Variants in ANKS1B observed in about 807,000 individuals in gnomAD.
ANKS1B encodes the protein ankyrin repeat and sterile alpha motif domain containing 1B.
A neutral mutation model predicts 148.3 loss-of-function variants in ANKS1B; 36 were observed. That is an observed-to-expected ratio of 0.24 (90% CI 0.19 to 0.32). The LOEUF (loss-of-function observed/expected upper bound fraction) is 0.32. ANKS1B is among the 10% of genes least tolerant of loss of function. The pLI, the probability that ANKS1B is intolerant of heterozygous loss-of-function variation, is 1.00. For synonymous variants in ANKS1B, 542 were observed against 560.8 expected, an observed-to-expected ratio of 0.97 and a Z score of 0.47; for missense variants, 1,157 against 1,542.6, an observed-to-expected ratio of 0.75 and a Z score of 4.19.
chr12:99,291,604 CTTA>C (rs1216219815), intron 12 of ANKS1B, among the ~76,000 whole-genome samples: 2 of 152,138 alleles, frequency 1.3e-5, no homozygotes, highest in African/African-American at 4.8e-5. Flanking sequence ...GTACAGTGAA[CTTA>C]TTTTTGACAA....
chr12:99,561,841 T>A (rs2097339552), intron 9 of ANKS1B, among the ~76,000 whole-genome samples: 1 of 152,332 alleles, frequency 6.6e-6, no homozygotes, highest in East Asian at 1.9e-4. Flanking sequence ...GTTGACCTCC[T>A]CCCATGAATC....
intron 1 of ANKS1B, among the ~76,000 whole-genome samples, chr12:99,878,049 T>C (rs971349929): frequency 6.6e-6 from 1 of 152,116 alleles, no homozygotes; most frequent in Admixed American, 6.6e-5. Flanking sequence ...AGTGAGACCC[T>C]GTCTCAAAAC....
chr12:99,698,060 G>C (rs6538923), intron 8 of ANKS1B, among the ~76,000 whole-genome samples: 25,685 of 151,998 alleles, frequency 0.17, 2,676 homozygotes, highest in East Asian at 0.46. Flanking sequence ...GTATAGGAAA[G>C]AGGTAGGATT....
At chr12:99,175,484 T>C (rs1413557876) in intron 14 of ANKS1B, among the ~76,000 whole-genome samples, 1 of 152,244 alleles carries the variant, frequency 6.6e-6, no homozygotes, top group East Asian at 1.9e-4. Context: ...TAAATAAGTT[T>C]GTATATCTTG....
chr12:98,869,205 C>T (rs987781661), intron 17 of ANKS1B, among the ~76,000 whole-genome samples: 9 of 152,314 alleles, frequency 5.9e-5, no homozygotes, highest in Non-Finnish European at 1.2e-4. Flanking sequence ...ATTAATTATA[C>T]CCCAGTTCCT....
At chr12:99,545,281 G>A (rs2097162107) in intron 9 of ANKS1B, among the ~76,000 whole-genome samples, 1 of 152,076 alleles carries the variant, frequency 6.6e-6, no homozygotes, top group African/African-American at 2.4e-5. Context: ...TATGGCAAAT[G>A]TATTTAACTT....
At chr12:99,492,313 G>A (rs993570156) in intron 10 of ANKS1B, among the ~76,000 whole-genome samples, 39 of 152,018 alleles carry the variant, frequency 2.6e-4, no homozygotes, top group African/African-American at 9.2e-4. Context: ...AGAGATGGAT[G>A]AATTTCTGGA....
At chr12:99,537,405 C>G (rs894595401) in intron 9 of ANKS1B, among the ~76,000 whole-genome samples, 3 of 152,124 alleles carry the variant, frequency 2.0e-5, no homozygotes, top group Admixed American at 2.0e-4. Flanking sequence ...TCCTTTTTCT[C>G]TACATCCTCA....
chr12:98,826,029 GGT>G (rs1222276305), intron 19 of ANKS1B, among the ~76,000 whole-genome samples: 1 of 152,140 alleles, frequency 6.6e-6, no homozygotes, highest in East Asian at 1.9e-4. Flanking sequence ...ATTTATTAGG[GGT>G]GTGGAAATTG....
intron 14 of ANKS1B, among the ~76,000 whole-genome samples, chr12:99,200,697 A>G (rs1210755843): frequency 3.3e-5 from 5 of 152,184 alleles, no homozygotes; most frequent in Non-Finnish European, 7.4e-5. Flanking sequence ...GCTTGTCTAA[A>G]TTCAGGAAAG....
intron 17 of ANKS1B, among the ~76,000 whole-genome samples, chr12:98,860,617 A>G (rs2099594294): frequency 6.6e-6 from 1 of 152,218 alleles, no homozygotes; most frequent in South Asian, 2.1e-4. Flanking sequence ...AAATGAGAAC[A>G]CACGGTGTTT....
chr12:99,508,994 A>G lies in ANKS1B; in HGVS notation c.1273-4353T>C, dbSNP rs576897247. Among the ~76,000 whole-genome samples the G allele has an allele frequency of 2.0e-4, 30 of 151,880 alleles. 1 individual carries two copies. The highest frequency in any genetic ancestry group is 3.7e-4 in the Non-Finnish European group (25 of 67,928). On this transcript the variant is annotated intron_variant, in intron 9 of 26. Coordinates refer to ENST00000683438, the MANE Select transcript of ANKS1B (RefSeq NM_001352186.2). ...TTTTGGTAATTCTCCTAATATGTCA[A>G]ATTTTTCATTATTATTATATCTGTT...
At chr12:99,415,693 C>CT (rs1177921459) in intron 11 of ANKS1B, among the ~76,000 whole-genome samples, 1 of 151,606 alleles carries the variant, frequency 6.6e-6, no homozygotes. Flanking sequence ...TCCCATTGCC[C>CT]TTTTTTTTGA....
At chr12:98,905,697 AG>A (rs1424325077) in intron 17 of ANKS1B, among the ~76,000 whole-genome samples, 5 of 152,054 alleles carry the variant, frequency 3.3e-5, no homozygotes, top group Admixed American at 3.3e-4. Flanking sequence ...ACTTGCGCCC[AG>A]GAAGTTGAGG....
chr12:99,237,509 C>G (rs1295154979), intron 14 of ANKS1B, among the ~76,000 whole-genome samples: 1 of 152,034 alleles, frequency 6.6e-6, no homozygotes, highest in Non-Finnish European at 1.5e-5. Context: ...GAAAATAATA[C>G]TTAGTAAGAG....
chr12:99,139,160 T>TAATC (rs60022383), intron 15 of ANKS1B, among the ~76,000 whole-genome samples: 6,366 of 150,946 alleles, frequency 0.042, 456 homozygotes, highest in African/African-American at 0.15. Flanking sequence ...CATGCCCAGC[T>TAATC]AATCAATCTT....
intron 22 of ANKS1B, among the ~76,000 whole-genome samples, chr12:98,790,053 A>G (rs1000016710): frequency 1.2e-4 from 19 of 152,222 alleles, no homozygotes; most frequent in African/African-American, 4.6e-4. Flanking sequence ...TTTAGAAGTG[A>G]ACAGTAATGA....
At chr12:99,909,736 A>T (rs1337156100) in intron 1 of ANKS1B, among the ~76,000 whole-genome samples, 2 of 152,130 alleles carry the variant, frequency 1.3e-5, no homozygotes, top group African/African-American at 2.4e-5. Flanking sequence ...ATGTTTCCAT[A>T]CAAATATTTT....
intron 11 of ANKS1B, among the ~76,000 whole-genome samples, chr12:99,441,386 T>C (rs1252223039): frequency 1.3e-5 from 2 of 151,844 alleles, no homozygotes; most frequent in Admixed American, 6.6e-5. Flanking sequence ...TGAAACCTCA[T>C]GTCCTACCTG....
Sources: allele counts gnomAD v4.1 joint callset (sites outside exome capture counted in the v4.1 genomes callset), GRCh38; gene constraint gnomAD v4.1.1; transcripts MANE v1.5; gene names NCBI Gene and HGNC (gene_info 2026-07-23, HGNC 2026-07-21).